The following HLA-G variants were observed in gnomAD, a reference collection of about 807,000 sequenced individuals.
The protein encoded by HLA-G is major histocompatibility complex, class I, G.
HLA-G carries 34 observed loss-of-function variants against 39.3 expected under a neutral mutation model. The ratio of observed to expected loss-of-function variants is 0.86; its 90% CI spans 0.66 to 1.15. HLA-G has a LOEUF of 1.15. Ranked by LOEUF, HLA-G falls within the 50% of genes most tolerant of loss-of-function variation. The probability of loss-of-function intolerance (pLI) is 0.00; values close to 1 mark genes in which losing one functional copy is unlikely to be tolerated. For missense variants in HLA-G, 419 were observed against 456.4 expected (o/e 0.92, Z 0.75); for synonymous variants, 183 against 185.8 (o/e 0.99, Z 0.12).
rs1400496205 is a variant in HLA-G, at chr6:29,828,526, C to A, written c.344-17C>A. ...GCGAGGCTCGGTGGGCGGGGCTGACCGAGGGGGTGGGGCCAGGTTCTCACA... is the reference window on the plus strand; with the variant it reads ...GCGAGGCTCGGTGGGCGGGGCTGACAGAGGGGGTGGGGCCAGGTTCTCACA... On this transcript the variant is annotated splice_polypyrimidine_tract_variant and intron_variant, in intron 2 of 6. Transcript: ENST00000360323. 6.2e-7 allele frequency: 1 copy of A among 1,608,924 alleles called. No homozygotes were observed. Among genetic ancestry groups the A allele is most frequent in the African/African-American group, 1.3e-5 (1 of 74,906 alleles).
At chr6:29,828,391 G>C in intron 2 of HLA-G, 75 bp downstream of exon 2, 2 of 1,557,362 alleles carry the variant, frequency 1.3e-6, no homozygotes, top group Non-Finnish European at 1.7e-6. Flanking sequence ...GTACTCCCGA[G>C]TCTCCGGGTC....
intron 6 of HLA-G, 59 bp downstream of exon 6, chr6:29,830,469 G>A: frequency 3.4e-6 from 5 of 1,466,714 alleles, no homozygotes; most frequent in East Asian, 2.3e-5. Flanking sequence ...GGGAGCCCAT[G>A]GGGGAGCTCA....
In HLA-G at chr6:29,827,917, G is replaced by A; in HGVS notation, c.73G>A (p.Gly25Ser). ...CCTGACCCTGACCGAGACCTGGGCG[G>A]GTGAGTGCGGGGTCAGGAGGGAAAC... The part of the protein sequence containing the change: ...GALTLTETWA[G>S]SHSMRYFSAA... Residue 25 changes from glycine to serine, a missense_variant and splice_region_variant, in exon 1 of 7, where the codon GGC becomes AGC. By Grantham distance (56) the Gly-to-Ser change is moderately conservative. This residue lies in a region of HLA-G where 91 missense variants were observed against 133.4 expected (regional missense o/e 0.68). Transcript: ENST00000360323. The A allele has an allele frequency of 6.2e-7, 1 of 1,610,284 alleles. No homozygotes were observed. Among genetic ancestry groups the A allele is most frequent in the Non-Finnish European group, 8.5e-7 (1 of 1,178,534 alleles).
intron 5 of HLA-G, 85 bp from the exon 6 acceptor site, chr6:29,830,293 C>T (rs1035938414): frequency 6.8e-7 from 1 of 1,472,278 alleles, no homozygotes; most frequent in South Asian, 1.1e-5. Flanking sequence ...GGAAACTTCT[C>T]GAGGGTCCAA....
rs753634137 is a variant in HLA-G at position 29,828,238 on chromosome 6, C to A, written c.265C>A (p.Arg89=). 3.7e-6 allele frequency: 6 copies of A among 1,613,200 alleles called. No individual in the cohort carries two copies. Among genetic ancestry groups the A allele is most frequent in the Non-Finnish European group, 4.2e-6 (5 of 1,179,808 alleles). ...GCCGGAGTATTGGGAAGAGGAGACA[C>A]GGAACACCAAGGCCCACGCACAGAC... ...EGPEYWEEET[R]NTKAHAQTDR... is the part of the protein sequence containing the mutation. Residue 89 remains arginine (R), a synonymous_variant, in exon 2 of 7, where the codon CGG becomes AGG. Transcript: ENST00000360323.
At chr6:29,830,294 G>A (rs567899969) in intron 5 of HLA-G, 84 bp from the exon 6 acceptor site, 16 of 1,475,420 alleles carry the variant, frequency 1.1e-5, no homozygotes, top group South Asian at 6.9e-5. Flanking sequence ...GAAACTTCTC[G>A]AGGGTCCAAG....
intron 6 of HLA-G, 31 bp from the exon 7 acceptor site, chr6:29,830,737 T>C (rs1390865255): frequency 2.9e-5 from 16 of 546,070 alleles, no homozygotes; most frequent in Non-Finnish European, 4.3e-5. Context: ...CTGTGACTGA[T>C]ATGAATTTGT....
chr6:29,829,789 G>A (rs774006543), intron 4 of HLA-G, 27 bp from the exon 5 acceptor site: 3 of 1,604,248 alleles, frequency 1.9e-6, no homozygotes, highest in Non-Finnish European at 1.7e-6. Flanking sequence ...GGGGGTCAGA[G>A]ACCCTCACCT....
intron 6 of HLA-G, 137 bp from the exon 7 acceptor site, chr6:29,830,631 G>T (rs1761195189): frequency 2.8e-6 from 2 of 716,748 alleles, no homozygotes; most frequent in Non-Finnish European, 5.2e-6. Flanking sequence ...ATGTGTGTGG[G>T]TTGTTGAGGG....
Position 29,828,052 on chromosome 6 carries a change from C to G in HLA-G, c.79C>G (p.His27Asp). ...LTLTETWAGS[H>D]SMRYFSAAVS... ...CAACCCCTCCTCGCCCCCAGGCTCC[C>G]ACTCCATGAGGTATTTCAGCGCCGC... Residue 27 changes from histidine to aspartate, a missense_variant, in exon 2 of 7, where the codon CAC becomes GAC. By Grantham distance (81) the His-to-Asp change is moderately conservative. Coordinates refer to ENST00000360323, the MANE Select transcript of HLA-G (RefSeq NM_001384290.1). The G allele has an allele frequency of 6.2e-7, 1 of 1,610,696 alleles. No individual in the cohort carries two copies. The highest frequency in any genetic ancestry group is 8.5e-7 in the Non-Finnish European group (1 of 1,179,104).
In HLA-G at chr6:29,828,625, C is replaced by G. The variant is rs201927116; in HGVS notation, c.426C>G (p.Tyr142Ter). The change falls in exon 3 of 7, where the codon TAC becomes TAG. Residue 142 changes from tyrosine (Y) to a stop codon, truncating the protein, a stop_gained. Transcript: ENST00000360323. LOFTEE classifies it high-confidence loss of function. Reference sequence around the variant, plus strand: ...TCCGCGGGTATGAACAGTATGCCTACGATGGCAAGGATTACCTCGCCCTGA... The same window carrying G: ...TCCGCGGGTATGAACAGTATGCCTAGGATGGCAAGGATTACCTCGCCCTGA... ...RLLRGYEQYAYDGKDYLALNE... is the reference protein window; with the variant it reads ...RLLRGYEQYA The G allele has an allele frequency of 8.7e-6, 14 of 1,613,162 alleles. No individual in the cohort carries two copies. The highest frequency in any genetic ancestry group is 2.2e-5 in the East Asian group (1 of 44,898).
At chr6:29,826,945 T>C (rs1332231462), upstream of HLA-G, 2 of 479,380 alleles carry the variant, frequency 4.2e-6, no homozygotes, top group East Asian at 1.3e-4. Flanking sequence ...GAATAAAGTT[T>C]GTGCTGGCTC....
At chr6:29,827,988 G>A in intron 1 of HLA-G, 59 bp from the exon 2 acceptor site, 1 of 1,592,918 alleles carries the variant, frequency 6.3e-7, no homozygotes, top group South Asian at 1.1e-5. Context: ...GGGGGCGCAG[G>A]ACTCGGCAGC....
chr6:29,827,783 C>T (rs1271640060), upstream of HLA-G: 5 of 1,519,314 alleles, frequency 3.3e-6, no homozygotes, highest in South Asian at 1.1e-5. Flanking sequence ...TCAGCGTCGC[C>T]GCGGTCCTGG....
chr6:29,826,891 G>C (rs1251595939), upstream of HLA-G: 1 of 448,078 alleles, frequency 2.2e-6, no homozygotes, highest in Non-Finnish European at 4.7e-6. Context: ...GTGAGCACTA[G>C]TGAGGGGCAT....
chr6:29,828,744 C>T lies in HLA-G; in HGVS notation c.545C>T (p.Ala182Val), dbSNP rs752509370. The T allele has an allele frequency of 1.3e-5, 21 of 1,613,844 alleles. No individual in the cohort carries two copies. The South Asian group carries it at 2.2e-4, about 17-fold the overall frequency. The change falls in exon 3 of 7, where the codon GCC (alanine) becomes GTC (valine). Residue 182 changes from alanine to valine, a missense_variant. Around this residue, in one of 2 missense-constraint regions of HLA-G, gnomAD observed 328 missense variants for 323.0 expected, o/e 1.02. Coordinates refer to ENST00000360323, the MANE Select transcript of HLA-G (RefSeq NM_001384290.1). ...GCCAATGTGGCTGAACAAAGGAGAG[C>T]CTACCTGGAGGGCACGTGCGTGGAG... ...EAANVAEQRR[A>V]YLEGTCVEWL...
chr6:29,827,026 T>G (rs748032993), upstream of HLA-G: 3 of 527,042 alleles, frequency 5.7e-6, no homozygotes, highest in South Asian at 1.4e-5. Context: ...ACACGGAAAC[T>G]TAGGGCTACG....
At chr6:29,827,993 G>C (rs1482610069) in intron 1 of HLA-G, 54 bp from the exon 2 acceptor site, 26 of 1,593,378 alleles carry the variant, frequency 1.6e-5, no homozygotes, top group African/African-American at 2.7e-5. Flanking sequence ...CGCAGGACTC[G>C]GCAGCCGCGC....
chr6:29,827,882 T>C lies in HLA-G; in HGVS notation c.38T>C (p.Leu13Pro). The change falls in exon 1 of 7, where the codon CTC becomes CCC. Residue 13 changes from leucine (L) to proline (P), a missense_variant. Transcript: ENST00000360323. ...GCGCCCCGAACCCTCTTCCTGCTGC[T>C]CTCGGGGGCCCTGACCCTGACCGAG... Reference protein sequence around the residue: ...VMAPRTLFLLLSGALTLTETW... With the variant: ...VMAPRTLFLLPSGALTLTETW... 6.2e-7 allele frequency: 1 copy of C among 1,613,026 alleles called. No individual in the cohort carries two copies. Among genetic ancestry groups the C allele is most frequent in the Non-Finnish European group, 8.5e-7 (1 of 1,179,718 alleles).
Sources: allele counts gnomAD v4.1 joint callset, GRCh38; gene constraint gnomAD v4.1.1; regional missense constraint gnomAD v4.1.1; transcripts MANE v1.5; gene names NCBI Gene and HGNC (gene_info 2026-07-23, HGNC 2026-07-21).